ANO6: variants seen among roughly 807,000 people sequenced by gnomAD.
ANO6 encodes anoctamin 6.
In ANO6, 106 loss-of-function variants were observed where a neutral mutation model predicts 117.5. The ratio of observed to expected loss-of-function variants is 0.90; its 90% confidence interval spans 0.77 to 1.06. The LOEUF is 1.06. Among genes scored for constraint, ANO6 ranks in the 50% least tolerant of loss-of-function variants. The pLI is 0.00. For synonymous variants in ANO6, 367 were observed against 385.1 expected (o/e 0.95, Z 0.55); for missense variants, 955 against 1,121.1 (o/e 0.85, Z 2.12).
At chr12:45,250,642 A>G (rs1253869408) in intron 1 of ANO6, among the ~76,000 whole-genome samples, 1 of 151,634 alleles carries the variant, frequency 6.6e-6, no homozygotes, top group Admixed American at 6.6e-5. Context: ...ACCTCAAGTG[A>G]TCCTCCCACT....
chr12:45,223,470 CTT>C (rs1947436485), intron 1 of ANO6, among the ~76,000 whole-genome samples: 1 of 152,130 alleles, frequency 6.6e-6, no homozygotes, highest in South Asian at 2.1e-4. Context: ...AGAAAAAACA[CTT>C]AGTGTTTTTC....
At position 45,346,405 on chromosome 12, in the gene ANO6, G is replaced by A. The variant is rs551120755; in HGVS notation, c.280-617G>A. On this transcript the variant is annotated intron_variant, in intron 3 of 19. Coordinates refer to ENST00000320560, the MANE Select transcript of ANO6 (RefSeq NM_001025356.3). Reference sequence around the variant, plus strand: ...AGTATATTCTGTATCTTTTGAAATGGCCATGTAATATAGATATCAATTTAG... The same window carrying A: ...AGTATATTCTGTATCTTTTGAAATGACCATGTAATATAGATATCAATTTAG... 4.3e-4 allele frequency among the ~76,000 whole-genome samples: 65 copies of A among 152,194 alleles called. 1 individual carries two copies. The highest frequency in any genetic ancestry group is 1.6e-3 in the African/African-American group (65 of 41,534).
rs763999565 is a variant in ANO6, at chr12:45,403,152, T to G, written c.1693T>G (p.Ser565Ala). 1.9e-5 allele frequency: 30 copies of G among 1,613,912 alleles called. No individual in the cohort carries two copies. In the Admixed American group the frequency reaches 3.2e-4, roughly 17 times the overall value. Residue 565 changes from serine to alanine, a missense_variant, in exon 14 of 20, where the codon TCA (serine) becomes GCA (alanine). Ser to Ala is a moderately conservative substitution (Grantham distance 99). Coordinates refer to ENST00000320560, the MANE Select transcript of ANO6 (RefSeq NM_001025356.3). ...ATTCCAGTTTGTCAACTACTACTCT[T>G]CATGCTTCTACATAGCATTCTTTAA... ...FLFQFVNYYS[S>A]CFYIAFFKGK...
intron 19 of ANO6, among the ~76,000 whole-genome samples, chr12:45,438,912 CT>C (rs34457065): frequency 0.055 from 8,295 of 152,102 alleles, 425 homozygotes; most frequent in East Asian, 0.3. Context: ...TTATAGCACA[CT>C]TGGAAAAGAG....
At chr12:45,320,503 T>A (rs1423112437) in intron 2 of ANO6, among the ~76,000 whole-genome samples, 1 of 152,196 alleles carries the variant, frequency 6.6e-6, no homozygotes, top group Admixed American at 6.5e-5. Context: ...ATAATTTCTG[T>A]TCTTTTACAT....
At position 45,418,681 on chromosome 12, in the gene ANO6, G is replaced by A. The variant is rs11183020; in HGVS notation, c.2217+1777G>A. Among the ~76,000 whole-genome samples, 1,416 of 152,154 alleles carry A rather than the reference G, an allele frequency of 9.3e-3. 23 individuals are homozygous for A. Among genetic ancestry groups the A allele is most frequent in the African/African-American group, 0.033 (1,357 of 41,494 alleles). Reference sequence around the variant, plus strand: ...ACCTTTTCCCAGCATCCATGCCATGGCTCTACTCCATGAGCACAGATGGAG... The same window carrying A: ...ACCTTTTCCCAGCATCCATGCCATGACTCTACTCCATGAGCACAGATGGAG... On this transcript the variant is annotated intron_variant, in intron 17 of 19. Coordinates refer to ENST00000320560, the MANE Select transcript of ANO6 (RefSeq NM_001025356.3).
intron 9 of ANO6, among the ~76,000 whole-genome samples, chr12:45,376,153 T>G (rs959053520): frequency 2.0e-5 from 3 of 150,902 alleles, no homozygotes; most frequent in Admixed American, 1.3e-4. Flanking sequence ...CACAGTGAGA[T>G]GCCATCTCAC....
chr12:45,316,981 A>T (rs1434699887), intron 2 of ANO6, among the ~76,000 whole-genome samples: 6 of 149,556 alleles, frequency 4.0e-5, no homozygotes, highest in African/African-American at 1.5e-4. Flanking sequence ...AAAAATATGT[A>T]TTAATTCATG....
At chr12:45,348,771 A>C (rs1941209184) in intron 6 of ANO6, 140 bp downstream of exon 6, 1 of 732,168 alleles carries the variant, frequency 1.4e-6, no homozygotes, top group African/African-American at 1.7e-5. Flanking sequence ...AAGCTCATTT[A>C]GGGTAAGAAC....
At position 45,289,555 on chromosome 12, in the gene ANO6, A is replaced by G. The variant is rs117480099; in HGVS notation, c.71-12459A>G. 5.1e-3 allele frequency among the ~76,000 whole-genome samples: 780 copies of G among 152,340 alleles called. 7 individuals carry two copies. Among genetic ancestry groups the G allele is most frequent in the South Asian group, 0.035 (167 of 4,826 alleles). On this transcript the variant is annotated intron_variant, in intron 1 of 19. Coordinates refer to ENST00000320560, the MANE Select transcript of ANO6 (RefSeq NM_001025356.3). ...CACTGCCAGTGTGTTTATTCCCAGC[A>G]TCTTTGCTAATATTAGATATTAATG...
chr12:45,332,718 A>T (rs1940708496), intron 3 of ANO6, among the ~76,000 whole-genome samples: 1 of 152,056 alleles, frequency 6.6e-6, no homozygotes, highest in Admixed American at 6.6e-5. Context: ...CTTTGCAGTT[A>T]TCAAGAAACC....
intron 2 of ANO6, among the ~76,000 whole-genome samples, chr12:45,316,914 T>G (rs1421857282): frequency 1.3e-5 from 2 of 150,234 alleles, no homozygotes; most frequent in African/African-American, 2.4e-5. Flanking sequence ...TTAATGTGGA[T>G]ATATCTGTTG....
At chr12:45,428,261 T>A (rs1486522841) in intron 19 of ANO6, among the ~76,000 whole-genome samples, 1 of 152,222 alleles carries the variant, frequency 6.6e-6, no homozygotes, top group Non-Finnish European at 1.5e-5. Context: ...AAGAATATTA[T>A]ACAGCAGTGA....
At chr12:45,317,113 G>GTGTGTATATA in intron 2 of ANO6, among the ~76,000 whole-genome samples, 1 of 66,482 alleles carries the variant, frequency 1.5e-5, no homozygotes, top group East Asian at 4.1e-4. Flanking sequence ...CTTTTTATAT[G>GTGTGTATATA]TATATATATA....
intron 2 of ANO6, among the ~76,000 whole-genome samples, chr12:45,310,237 A>C (rs148344644): frequency 6.6e-6 from 1 of 152,138 alleles, no homozygotes; most frequent in South Asian, 2.1e-4. Flanking sequence ...TCCCAGAGAA[A>C]CAGTCATAAA....
At chr12:45,261,007 T>C (rs906537111) in intron 1 of ANO6, among the ~76,000 whole-genome samples, 1 of 151,890 alleles carries the variant, frequency 6.6e-6, no homozygotes, top group Non-Finnish European at 1.5e-5. Context: ...GGTAGAGATA[T>C]GGGGGTCTTG....
At chr12:45,312,788 A>G (rs1592950088) in intron 2 of ANO6, among the ~76,000 whole-genome samples, 1 of 147,194 alleles carries the variant, frequency 6.8e-6, no homozygotes, top group Non-Finnish European at 1.5e-5. Flanking sequence ...ACAGATTATA[A>G]TAACTACCAA....
intron 1 of ANO6, among the ~76,000 whole-genome samples, chr12:45,234,785 A>G (rs1947622851): frequency 6.7e-6 from 1 of 149,358 alleles, no homozygotes; most frequent in Admixed American, 6.8e-5. Flanking sequence ...AGTCTCTGGA[A>G]CCAATTCTGA....
chr12:45,282,334 G>C (rs529227078), intron 1 of ANO6, among the ~76,000 whole-genome samples: 3 of 152,194 alleles, frequency 2.0e-5, no homozygotes, highest in Admixed American at 6.5e-5. Context: ...TGTGTTAACA[G>C]TTGCCAGCAG....
Sources: gnomAD v4.1 joint callset for allele counts (sites outside exome capture counted in the v4.1 genomes callset) on GRCh38, gnomAD v4.1.1 for gene constraint, MANE v1.5 for transcripts, NCBI Gene and HGNC (gene_info 2026-07-23, HGNC 2026-07-21) for gene names.